Variants in PSG11 observed in about 807,000 individuals in gnomAD.
PSG11 encodes the protein pregnancy-specific beta-1-glycoprotein 11.
A neutral mutation model predicts 36.0 loss-of-function variants in PSG11; 42 were observed. The observed-to-expected ratio is 1.17, with a 90% CI of 0.91 to 1.51. PSG11 has a LOEUF of 1.51. PSG11 is among the 40% of genes most tolerant of loss of function. The probability of loss-of-function intolerance (pLI) is 0.00; values close to 1 mark genes in which losing one functional copy is unlikely to be tolerated. For synonymous variants in PSG11, 206 were observed against 153.5 expected, an observed-to-expected ratio of 1.34 and a Z score of -2.53; for missense variants, 558 against 403.5, an observed-to-expected ratio of 1.38 and a Z score of -3.28.
At chr19:43,023,465 A>G (rs1359679064) in intron 2 of PSG11, among the ~76,000 whole-genome samples, 2 of 150,788 alleles carry the variant, frequency 1.3e-5, no homozygotes, top group Non-Finnish European at 3.0e-5. Context: ...AGGTTCAGTG[A>G]TGGGGGTTAA....
intron 3 of PSG11, chr19:43,016,068 A>T: frequency 6.3e-7 from 1 of 1,596,080 alleles, no homozygotes; most frequent in South Asian, 1.1e-5. Flanking sequence ...CAGAGAGAAG[A>T]TTGTCCTGTG....
chr19:43,016,365 C>T lies in PSG11; in HGVS notation c.710-995G>A, dbSNP rs906466013. Among the ~76,000 whole-genome samples, 29 of 151,176 alleles carry T rather than the reference C, an allele frequency of 1.9e-4. 2 individuals carry two copies. The highest frequency in any genetic ancestry group is 3.2e-4 in the Non-Finnish European group (22 of 67,858). ...CCTCCATAATCAGTTGACTGGCTGG[C>T]TCACCTTGGGTTCCTTACCTGGAAT... On this transcript the variant is annotated intron_variant, in intron 3 of 5. Transcript: ENST00000320078.
chr19:43,020,449 A>G (rs1967075942), intron 2 of PSG11, among the ~76,000 whole-genome samples: 1 of 151,326 alleles, frequency 6.6e-6, no homozygotes, highest in Non-Finnish European at 1.5e-5. Flanking sequence ...TATCCCATAA[A>G]AAGTTGTCAG....
At chr19:43,015,407 C>T in intron 3 of PSG11, 37 bp from the exon 4 acceptor site, 1 of 1,587,048 alleles carries the variant, frequency 6.3e-7, no homozygotes, top group Non-Finnish European at 8.6e-7. Context: ...TTGATGTCAT[C>T]TGAGGGAAGG....
intron 4 of PSG11, 104 bp from the exon 5 acceptor site, chr19:43,010,145 T>A: frequency 6.7e-7 from 1 of 1,493,672 alleles, no homozygotes; most frequent in Non-Finnish European, 9.0e-7. Flanking sequence ...AATTGTTTCT[T>A]CAAGGACTAC....
In PSG11 at chr19:43,026,355, G is replaced by A. The variant is rs1967256486; in HGVS notation, c.18C>T (p.Ala6=). MGPLS[A]PPCTEHIKWK... ...ATTTGATGTGCTCTGTGCAGGGAGG[G>A]GCTGAGAGGGGCCCCATGATCTCTG... Residue 6 remains alanine (A), a synonymous_variant, in exon 1 of 6, where the codon GCC becomes GCT. Coordinates refer to ENST00000320078, the MANE Select transcript of PSG11 (RefSeq NM_002785.3). 3 of 1,610,456 alleles carry A rather than the reference G, an allele frequency of 1.9e-6. No individual in the cohort carries two copies. The highest frequency in any genetic ancestry group is 2.5e-6 in the Non-Finnish European group (3 of 1,178,344).
rs970499619 is a variant in PSG11, at chr19:43,011,991, C to A, written c.965-1950G>T. Among the ~76,000 whole-genome samples, 12 of 150,098 alleles carry A rather than the reference C, an allele frequency of 8.0e-5. 1 individual carries two copies. The East Asian group carries it at 1.6e-3, about 19-fold the overall frequency. On this transcript the variant is annotated intron_variant, in intron 4 of 5. Coordinates refer to ENST00000320078, the MANE Select transcript of PSG11 (RefSeq NM_002785.3). ...GAAAGTACTATAAATAATTGTATGC[C>A]AATAAATTGGATAACCTAGATGAAA...
chr19:43,015,451 C>A lies in PSG11; in HGVS notation c.710-81G>T. 13 of 1,489,440 alleles carry A rather than the reference C, an allele frequency of 8.7e-6. 1 individual carries two copies. Among genetic ancestry groups the A allele is most frequent in the Non-Finnish European group, 1.2e-5 (13 of 1,099,702 alleles). 92.3% of individuals were successfully genotyped at this position (1,489,440 alleles called of 1,614,324 possible). On this transcript the variant is annotated intron_variant, in intron 3 of 5. Transcript: ENST00000320078. ...CTTGTCTCTTAAAGGGACACAGTGA[C>A]CCTCTGAGCCAAGACACACCCTCAA...
intron 3 of PSG11, among the ~76,000 whole-genome samples, chr19:43,016,308 G>T (rs1183152148): frequency 3.3e-5 from 5 of 151,300 alleles, no homozygotes; most frequent in Non-Finnish European, 7.4e-5. Flanking sequence ...ATACGTCAGT[G>T]GGAGTCACAG....
rs557008432 is a variant in PSG11, at chr19:43,023,127, G to A, written c.430+1564C>T. On this transcript the variant is annotated intron_variant, in intron 2 of 5. Coordinates refer to ENST00000320078, the MANE Select transcript of PSG11 (RefSeq NM_002785.3). ...AAGGAGCCCCGAGAACCCTCTGGTG[G>A]CCAAAGAGCTTCAGAGTTACATGAG... Among the ~76,000 whole-genome samples, 8 of 150,688 alleles carry A rather than the reference G, an allele frequency of 5.3e-5. 2 individuals carry two copies. In the South Asian group the frequency reaches 8.5e-4, roughly 16 times the overall value.
intron 2 of PSG11, among the ~76,000 whole-genome samples, chr19:43,022,058 T>A (rs1355131555): frequency 6.6e-6 from 1 of 151,518 alleles, no homozygotes; most frequent in Non-Finnish European, 1.5e-5. Context: ...AGTTCCTCCA[T>A]AAAACTAACA....
rs1230589880 is a variant in PSG11 at position 43,018,312 on chromosome 19, A to G, written c.709+458T>C. On this transcript the variant is annotated intron_variant, in intron 3 of 5. Transcript: ENST00000320078. ...GTCTATGAGACAGGAGAGCTTGGGG[A>G]CTTCCCCTGTATGGTAATAGGTGTA... 1.2e-5 allele frequency: 3 copies of G among 241,224 alleles called. 1 individual carries two copies. Among genetic ancestry groups the G allele is most frequent in the African/African-American group, 6.8e-5 (3 of 44,242 alleles). The allele number at this position is 241,224 out of a possible 1,614,324, so 14.9% of individuals were successfully genotyped here.
rs1252706070 is a variant in PSG11 at position 43,022,263 on chromosome 19, G to C, written c.430+2428C>G. 1.3e-5 allele frequency among the ~76,000 whole-genome samples: 2 copies of C among 151,530 alleles called. 1 individual carries two copies. Among genetic ancestry groups the C allele is most frequent in the Non-Finnish European group, 2.9e-5 (2 of 67,932 alleles). On this transcript the variant is annotated intron_variant, in intron 2 of 5. Transcript: ENST00000320078. ...AGATAACATCACTATTGTAGAACGT[G>C]AGATTGGTCTTTTGAGATGCTTCTC...
In PSG11 at chr19:43,018,852, C is replaced by G. The variant is rs142166158; in HGVS notation, c.627G>C (p.Lys209Asn). ...CACATTCATAGGGTCCTGCAGTATA[C>G]TTTGTGACACCAAATAGAAAGAGGG... ...NRTLFLFGVT[K>N]YTAGPYECEI... The change falls in exon 3 of 6, where the codon AAG (lysine) becomes AAC (asparagine). Residue 209 changes from lysine to asparagine, a missense_variant. Physicochemically the swap from Lys to Asn is moderately conservative, Grantham distance 94 (BLOSUM62 0). Transcript: ENST00000320078. The G allele has an allele frequency of 3.7e-6, 6 of 1,612,008 alleles. No homozygotes were observed. In the South Asian group the frequency reaches 5.5e-5, roughly 15 times the overall value.
At chr19:43,017,124 T>G (rs1490504606) in intron 3 of PSG11, 4 of 151,506 alleles carry the variant, frequency 2.6e-5, no homozygotes, top group South Asian at 2.1e-4. Flanking sequence ...TTCATGGGTG[T>G]GCAGTTTCCG....
At chr19:43,009,832 G>A in intron 5 of PSG11, 126 bp downstream of exon 5, 3 of 733,216 alleles carry the variant, frequency 4.1e-6, no homozygotes, top group Non-Finnish European at 7.1e-6. Context: ...AATTAGTGCT[G>A]AGAAGCAGGA....
In PSG11 at chr19:43,018,721, G is replaced by A. The variant is rs550142423; in HGVS notation, c.709+49C>T. 116 of 1,611,834 alleles carry A rather than the reference G, an allele frequency of 7.2e-5. 3 individuals carry two copies. Among genetic ancestry groups the A allele is most frequent in the Non-Finnish European group, 9.4e-5 (111 of 1,178,862 alleles). On this transcript the variant is annotated intron_variant, in intron 3 of 5. Transcript: ENST00000320078. ...ACTGAGAGGCCTGGCCTCTGGCCAT[G>A]TGTATTTGGGATGGCAGCCTGGCTC...
intron 4 of PSG11, among the ~76,000 whole-genome samples, chr19:43,011,580 T>G (rs925117421): frequency 1.3e-5 from 2 of 151,252 alleles, no homozygotes; most frequent in African/African-American, 4.9e-5. Context: ...AAGTTTAAAA[T>G]TACTCAAATC....
At position 43,026,333 on chromosome 19, in the gene PSG11, T is replaced by G; in HGVS notation, c.40A>C (p.Lys14Gln). ...CCTGTGAGCAGGAGCCCCTTCCATT[T>G]GATGTGCTCTGTGCAGGGAGGGGCT... ...LSAPPCTEHI[K>Q]WKGLLLTALL... Residue 14 changes from lysine to glutamine, a missense_variant, in exon 1 of 6, where the codon AAA becomes CAA. Physicochemically the swap from Lys to Gln is moderately conservative, Grantham distance 53. Transcript: ENST00000320078. 2 of 1,611,086 alleles carry G rather than the reference T, an allele frequency of 1.2e-6. No individual in the cohort carries two copies. The highest frequency in any genetic ancestry group is 1.7e-6 in the Non-Finnish European group (2 of 1,178,632).
Sources: allele counts gnomAD v4.1 joint callset (sites outside exome capture counted in the v4.1 genomes callset), GRCh38; gene constraint gnomAD v4.1.1; transcripts MANE v1.5; gene names NCBI Gene and HGNC (gene_info 2026-07-23, HGNC 2026-07-21).